HOMER2: variants seen among roughly 807,000 people sequenced by gnomAD.
HOMER2 encodes the protein homer protein homolog 2.
HOMER2 carries 27 observed loss-of-function variants against 47.0 expected under a neutral mutation model. The ratio of observed to expected loss-of-function variants is 0.57; its 90% CI spans 0.42 to 0.79. HOMER2 has a LOEUF of 0.79. Ranked by LOEUF, HOMER2 falls within the 30% of genes least tolerant of loss-of-function variation. HOMER2 has a pLI of 0.00. For missense variants in HOMER2, 443 were observed against 435.0 expected, an observed-to-expected ratio of 1.02 and a Z score of -0.16; for synonymous variants, 161 against 163.8, an observed-to-expected ratio of 0.98 and a Z score of 0.13.
chr15:82,872,723 C>T (rs761412862), intron 3 of HOMER2, among the ~76,000 whole-genome samples: 8 of 149,324 alleles, frequency 5.4e-5, no homozygotes, highest in East Asian at 1.9e-4. Flanking sequence ...GTCGGGCAGA[C>T]GACGGAAAAG....
At chr15:82,860,757 T>C (rs1305266783) in intron 4 of HOMER2, among the ~76,000 whole-genome samples, 1 of 151,872 alleles carries the variant, frequency 6.6e-6, no homozygotes. Flanking sequence ...GCCAATATGG[T>C]GAAACCCTGT....
intron 1 of HOMER2, among the ~76,000 whole-genome samples, chr15:82,978,941 G>A (rs1229564816): frequency 2.0e-5 from 3 of 152,164 alleles, no homozygotes; most frequent in South Asian, 2.1e-4. Flanking sequence ...GAATGGTCTC[G>A]ATCTCTTGAC....
chr15:82,898,774 GA>G (rs1236314858), intron 1 of HOMER2, among the ~76,000 whole-genome samples: 2 of 152,294 alleles, frequency 1.3e-5, no homozygotes, highest in East Asian at 3.9e-4. Flanking sequence ...AAAGAAACAA[GA>G]GAGAGAGAAA....
chr15:82,899,090 A>G (rs1366724062), intron 1 of HOMER2, among the ~76,000 whole-genome samples: 1 of 152,162 alleles, frequency 6.6e-6, no homozygotes, highest in Admixed American at 6.5e-5. Flanking sequence ...TCTGTCCCCA[A>G]CAGGACCAGC....
chr15:82,859,466 T>C (rs1362318980), intron 4 of HOMER2, among the ~76,000 whole-genome samples: 1 of 152,184 alleles, frequency 6.6e-6, no homozygotes, highest in African/African-American at 2.4e-5. Flanking sequence ...CCTTTTTACT[T>C]ACGCCTTATG....
At chr15:82,919,078 C>T (rs1336387236) in intron 1 of HOMER2, among the ~76,000 whole-genome samples, 1 of 152,146 alleles carries the variant, frequency 6.6e-6, no homozygotes, top group African/African-American at 2.4e-5. Context: ...CACAGGAGTC[C>T]CAGGGCTGGG....
upstream of HOMER2, chr15:82,986,047 A>G: frequency 2.0e-6 from 2 of 985,292 alleles, no homozygotes; most frequent in Non-Finnish European, 2.4e-6. Context: ...CATGGAGGGC[A>G]TCATCCACCT....
At chr15:82,853,553 G>T (rs1187004190) in intron 6 of HOMER2, among the ~76,000 whole-genome samples, 1 of 152,172 alleles carries the variant, frequency 6.6e-6, no homozygotes, top group Non-Finnish European at 1.5e-5. Flanking sequence ...GGGGTCAAGG[G>T]GGAGTGAACA....
chr15:82,930,447 A>G (rs191571140), intron 1 of HOMER2, among the ~76,000 whole-genome samples: 9 of 152,354 alleles, frequency 5.9e-5, no homozygotes, highest in Middle Eastern at 3.4e-3. Context: ...GAGTGCACAG[A>G]CAGCCAGGAA....
intron 1 of HOMER2, among the ~76,000 whole-genome samples, chr15:82,949,961 C>T (rs554359198): frequency 6.6e-6 from 1 of 152,036 alleles, no homozygotes; most frequent in Non-Finnish European, 1.5e-5. Flanking sequence ...GAAGGAGAGA[C>T]AATCTCTGAA....
At chr15:82,866,043 C>G (rs369831919) in intron 3 of HOMER2, among the ~76,000 whole-genome samples, 3 of 152,100 alleles carry the variant, frequency 2.0e-5, no homozygotes, top group Non-Finnish European at 2.9e-5. Flanking sequence ...TCCTCCAGAC[C>G]CCAGAATAGT....
chr15:82,923,001 C>G (rs556904092), intron 1 of HOMER2, among the ~76,000 whole-genome samples: 9 of 152,154 alleles, frequency 5.9e-5, no homozygotes, highest in African/African-American at 1.9e-4. Flanking sequence ...CCATCAGAGG[C>G]ACGTGGCTCC....
intron 1 of HOMER2, among the ~76,000 whole-genome samples, chr15:82,903,599 A>G (rs567884315): frequency 2.0e-5 from 3 of 152,114 alleles, no homozygotes; most frequent in African/African-American, 4.8e-5. Flanking sequence ...AGCCTGGGCA[A>G]CAAGAGCGAA....
exon 2 of HOMER2, chr15:82,839,104 A>AC (rs1345528223): frequency 6.6e-6 from 1 of 151,820 alleles, no homozygotes; most frequent in Admixed American, 6.6e-5. Flanking sequence ...ACAGAAAAAA[A>AC]AAACCAAAAT....
chr15:82,929,029 T>C (rs1032145275), intron 1 of HOMER2, among the ~76,000 whole-genome samples: 1 of 145,946 alleles, frequency 6.9e-6, no homozygotes, highest in South Asian at 2.1e-4. Context: ...TTGCTGGGTA[T>C]GGAAAAGATT....
chr15:82,892,136 A>G (rs892654268), intron 2 of HOMER2, among the ~76,000 whole-genome samples: 1 of 152,008 alleles, frequency 6.6e-6, no homozygotes, highest in African/African-American at 2.4e-5. Flanking sequence ...ATAAAATTCA[A>G]CTCCTATGCC....
exon 2 of HOMER2, chr15:82,838,364 AG>A: frequency 1.3e-5 from 2 of 152,468 alleles, no homozygotes; most frequent in Middle Eastern, 6.8e-3. Context: ...GCTGGGAAGT[AG>A]GGGGTAGAAC....
At chr15:82,944,427 T>C (rs2054328533) in intron 1 of HOMER2, among the ~76,000 whole-genome samples, 1 of 152,158 alleles carries the variant, frequency 6.6e-6, no homozygotes, top group East Asian at 1.9e-4. Flanking sequence ...ATGCCCCAAT[T>C]CCTCACAATG....
intron 1 of HOMER2, among the ~76,000 whole-genome samples, chr15:82,902,908 A>G (rs1358279620): frequency 6.6e-6 from 1 of 152,278 alleles, no homozygotes; most frequent in East Asian, 1.9e-4. Flanking sequence ...ATTCACACAC[A>G]AATGTGAATA....
Sources: allele counts gnomAD v4.1 joint callset (sites outside exome capture counted in the v4.1 genomes callset), GRCh38; gene constraint gnomAD v4.1.1; transcripts MANE v1.5; gene names NCBI Gene and HGNC (gene_info 2026-07-23, HGNC 2026-07-21).